Variants in NR4A1 observed in about 807,000 individuals in gnomAD.
NR4A1 encodes the protein nuclear receptor subfamily 4immunitygroup A member 1.
NR4A1 carries 24 observed loss-of-function variants against 47.5 expected under a neutral mutation model. That is an observed-to-expected ratio of 0.50 (90% confidence interval 0.37 to 0.71). The LOEUF (loss-of-function observed/expected upper bound fraction) is 0.71, where lower values mean the gene tolerates loss of function less well. Ranked by LOEUF, NR4A1 falls within the 30% of genes least tolerant of loss-of-function variation. The pLI is 0.00. For synonymous variants in NR4A1, 353 were observed against 345.7 expected (o/e 1.02, Z -0.24); for missense variants, 669 against 788.6 (o/e 0.85, Z 1.82).
intron 2 of NR4A1, among the ~76,000 whole-genome samples, chr12:52,046,333 A>G (rs1254512002): frequency 1.3e-5 from 2 of 152,218 alleles, no homozygotes; most frequent in Non-Finnish European, 2.9e-5. Context: ...CCCACCACGG[A>G]CTAGGAGACA....
In NR4A1 at chr12:52,054,377, C is replaced by A. The variant is rs1183728444; in HGVS notation, c.49C>A (p.Pro17Thr). ...TGGGACACCAGCACCGAGTCCGGGA[C>A]CCCGTGACCACCTGGCAAGCGACCC... ...QYGTPAPSPG[P>T]RDHLASDPLT... Residue 17 changes from proline to threonine, a missense_variant, in exon 2 of 7, where the codon CCC (proline) becomes ACC (threonine). Pro to Thr is a conservative substitution (Grantham distance 38). Coordinates refer to ENST00000394825, the MANE Select transcript of NR4A1 (RefSeq NM_173157.3). 1 of 1,613,510 alleles carries A rather than the reference C, an allele frequency of 6.2e-7. No homozygotes were observed. The highest frequency in any genetic ancestry group is 8.5e-7 in the Non-Finnish European group (1 of 1,179,716).
chr12:52,028,870 T>C lies in NR4A1; in HGVS notation c.-84+5931T>C, dbSNP rs1253578926. ...GTGAGCCAAGATGGTGCCACTGCAC[T>C]CCAGCCTGGGTGACAAAGCGAGACT... is the stretch of plus-strand genomic sequence containing the variant. On this transcript the variant is annotated intron_variant, in intron 1 of 7. Transcript: ENST00000360284. Among the ~76,000 whole-genome samples the C allele has an allele frequency of 6.6e-5, 10 of 152,288 alleles. No individual in the cohort carries two copies. The East Asian group carries it at 1.9e-3, about 29-fold the overall frequency.
intron 1 of NR4A1, chr12:52,037,900 G>GCCC: frequency 1.0e-6 from 1 of 979,696 alleles, no homozygotes; most frequent in Non-Finnish European, 1.2e-6. Flanking sequence ...TGTCTCCCAG[G>GCCC]CGTGTTTTTT....
intron 1 of NR4A1, among the ~76,000 whole-genome samples, chr12:52,027,800 C>A (rs556054141): frequency 6.6e-6 from 1 of 152,336 alleles, no homozygotes; most frequent in South Asian, 2.1e-4. Flanking sequence ...GAGCCACACA[C>A]CCCTCCAGGG....
At chr12:52,036,995 G>T (rs114747272) in intron 1 of NR4A1, among the ~76,000 whole-genome samples, 4 of 152,144 alleles carry the variant, frequency 2.6e-5, no homozygotes, top group Admixed American at 6.5e-5. Context: ...TGTGCGGCGT[G>T]GGGGGAGCCG....
At chr12:52,048,564 A>C (rs990996384), upstream of NR4A1, among the ~76,000 whole-genome samples, 28 of 152,320 alleles carry the variant, frequency 1.8e-4, no homozygotes, top group South Asian at 2.1e-3. Flanking sequence ...ACTGCACTCC[A>C]GCCTGGGTGA....
At chr12:52,044,066 C>T (rs1200407421) in intron 2 of NR4A1, among the ~76,000 whole-genome samples, 4 of 152,214 alleles carry the variant, frequency 2.6e-5, no homozygotes, top group African/African-American at 9.6e-5. Flanking sequence ...TTGACCACAG[C>T]TGGATGACGG....
chr12:52,052,803 C>T (rs1341655403), intron 1 of NR4A1, among the ~76,000 whole-genome samples: 1 of 152,228 alleles, frequency 6.6e-6, no homozygotes, highest in Non-Finnish European at 1.5e-5. Context: ...TCCTTCACCC[C>T]CAGCCCATCC....
In NR4A1 at chr12:52,052,323, G is replaced by GAGAGAGAA. The variant is rs146840622; in HGVS notation, c.-3+760_-3+761insGAAAGAGA. On this transcript the variant is annotated intron_variant, in intron 1 of 6. Coordinates refer to ENST00000394825, the MANE Select transcript of NR4A1 (RefSeq NM_173157.3). ...TGTGTGTGAGAGAGAGAGAGAGAGAGAGAGAAAGAGAGACAGAGGTGGAAA... is the reference window on the plus strand; with the variant it reads ...TGTGTGTGAGAGAGAGAGAGAGAGAGAGAGAGAAAGAGAAAGAGAGACAGAGGTGGAAA... Among the ~76,000 whole-genome samples the GAGAGAGAA allele has an allele frequency of 6.4e-3, 936 of 146,456 alleles. 4 individuals carry two copies. The highest frequency in any genetic ancestry group is 0.011 in the South Asian group (49 of 4,618).
intron 2 of NR4A1, chr12:52,055,792 A>G: frequency 2.7e-6 from 1 of 375,040 alleles, no homozygotes; most frequent in South Asian, 7.3e-5. Context: ...GGCCCCCAGT[A>G]GTGTGTCCTG....
chr12:52,026,599 C>G (rs1222558707), intron 1 of NR4A1, among the ~76,000 whole-genome samples: 1 of 152,194 alleles, frequency 6.6e-6, no homozygotes, highest in Non-Finnish European at 1.5e-5. Context: ...GTGACTGGCC[C>G]AAGGCCACAT....
chr12:52,033,785 C>A (rs1442941039), intron 1 of NR4A1, among the ~76,000 whole-genome samples: 3 of 152,172 alleles, frequency 2.0e-5, no homozygotes, highest in Non-Finnish European at 2.9e-5. Context: ...CGGGGGACCC[C>A]GGCCAGGTAG....
chr12:52,033,114 GGC>G (rs1938162441), intron 1 of NR4A1, among the ~76,000 whole-genome samples: 1 of 152,222 alleles, frequency 6.6e-6, no homozygotes, highest in East Asian at 1.9e-4. Flanking sequence ...ATGGAATCCT[GGC>G]TGGACCTGCT....
intron 1 of NR4A1, among the ~76,000 whole-genome samples, chr12:52,032,672 C>G (rs915547336): frequency 1.3e-5 from 2 of 152,164 alleles, no homozygotes; most frequent in African/African-American, 2.4e-5. Flanking sequence ...GGTGTTTCTC[C>G]GAAGTATGTT....
chr12:52,039,477 G>A (rs1938358787), intron 1 of NR4A1, among the ~76,000 whole-genome samples: 1 of 152,216 alleles, frequency 6.6e-6, no homozygotes, highest in Non-Finnish European at 1.5e-5. Context: ...TTAGAGTCAG[G>A]GATGTGATTC....
chr12:52,057,281 C>T, intron 5 of NR4A1, 22 bp downstream of exon 5: 3 of 1,613,352 alleles, frequency 1.9e-6, no homozygotes, highest in Non-Finnish European at 1.7e-6. Flanking sequence ...TGACTGTCTG[C>T]CCAGCCCCTT....
chr12:52,040,464 G>T (rs7311636), intron 1 of NR4A1, among the ~76,000 whole-genome samples: 2 of 152,074 alleles, frequency 1.3e-5, no homozygotes, highest in African/African-American at 2.4e-5. Flanking sequence ...GACCAGTTTC[G>T]GGGGGATGGG....
rs775844014 is a variant in NR4A1, at chr12:52,054,454, AG to A, written c.127del (p.Ala43ProfsTer74). 1 of 1,613,482 alleles carries A rather than the reference AG, an allele frequency of 6.2e-7. No individual in the cohort carries two copies. Among genetic ancestry groups the A allele is most frequent in the South Asian group, 1.1e-5 (1 of 91,048 alleles). ...PTMDLASPEA[A>X]PAAPTALPSF... ...CCATGGACCTGGCCAGCCCCGAGGC[AG>A]CCCCCGCTGCCCCCACTGCCCTGCC... On this transcript the variant is annotated frameshift_variant, in exon 2 of 7. Transcript: ENST00000394825. LOFTEE classifies it high-confidence loss of function.
intron 2 of NR4A1, 115 bp downstream of exon 2, chr12:52,055,319 A>G (rs1475316748): frequency 2.1e-6 from 3 of 1,416,140 alleles, no homozygotes; most frequent in South Asian, 2.5e-5. Context: ...CCTGTCCTGC[A>G]GGGTGGGATC....
Sources: allele counts gnomAD v4.1 joint callset (sites outside exome capture counted in the v4.1 genomes callset), GRCh38; gene constraint gnomAD v4.1.1; transcripts MANE v1.5; gene names NCBI Gene and HGNC (gene_info 2026-07-23, HGNC 2026-07-21).